Variants in MSI2 observed in about 807,000 individuals in gnomAD.
MSI2 encodes RNA-binding protein Musashi homolog 2.
A neutral mutation model predicts 45.6 loss-of-function variants in MSI2; 17 were observed. That is an observed-to-expected ratio of 0.37 (90% CI 0.26 to 0.56). The LOEUF (loss-of-function observed/expected upper bound fraction) is 0.56, where lower values mean the gene tolerates loss of function less well. MSI2 is among the 20% of genes least tolerant of loss of function. The pLI is 0.77. For missense variants in MSI2, 293 were observed against 444.2 expected, an observed-to-expected ratio of 0.66 and a Z score of 3.06; for synonymous variants, 156 against 158.2, an observed-to-expected ratio of 0.99 and a Z score of 0.11.
chr17:57,634,590 C>T (rs1909698723), intron 10 of MSI2, among the ~76,000 whole-genome samples: 1 of 151,990 alleles, frequency 6.6e-6, no homozygotes, highest in African/African-American at 2.4e-5. Flanking sequence ...ATAGAATTAG[C>T]CAGGTAAAGA....
At chr17:57,365,028 T>C (rs1354377371) in intron 5 of MSI2, 1 of 152,200 alleles carries the variant, frequency 6.6e-6, no homozygotes, top group Admixed American at 6.5e-5. Context: ...AAAACCTCTG[T>C]TTTTCAGAAC....
intron 5 of MSI2, among the ~76,000 whole-genome samples, chr17:57,396,277 A>G (rs2083887145): frequency 6.6e-6 from 1 of 151,976 alleles, no homozygotes; most frequent in Admixed American, 6.6e-5. Flanking sequence ...TTGTGTGATA[A>G]TGAATATCTT....
chr17:57,355,203 T>G (rs971628483), intron 5 of MSI2, among the ~76,000 whole-genome samples: 2 of 152,180 alleles, frequency 1.3e-5, no homozygotes, highest in African/African-American at 4.8e-5. Flanking sequence ...ATTCACTCCT[T>G]TTGCACGTAA....
At chr17:57,268,981 T>C (rs920264061) in intron 5 of MSI2, among the ~76,000 whole-genome samples, 2 of 152,102 alleles carry the variant, frequency 1.3e-5, no homozygotes, top group Non-Finnish European at 2.9e-5. Context: ...CATCATTAGC[T>C]CCAGGTTGGG....
chr17:57,589,807 CCA>C (rs1904655021), intron 7 of MSI2, among the ~76,000 whole-genome samples: 1 of 152,194 alleles, frequency 6.6e-6, no homozygotes, highest in Non-Finnish European at 1.5e-5. Context: ...GGTTTAGCGG[CCA>C]TGTCACGATG....
chr17:57,318,619 C>A (rs1177354389), intron 5 of MSI2, among the ~76,000 whole-genome samples: 1 of 151,712 alleles, frequency 6.6e-6, no homozygotes, highest in African/African-American at 2.4e-5. Flanking sequence ...CTGTGTGAAA[C>A]CCGGGTCTGA....
At chr17:57,609,674 C>A (rs1907033085) in intron 8 of MSI2, among the ~76,000 whole-genome samples, 1 of 152,236 alleles carries the variant, frequency 6.6e-6, no homozygotes, top group South Asian at 2.1e-4. Flanking sequence ...CCTCAGACTG[C>A]CAGCCACCAT....
At chr17:57,368,906 A>G (rs1049195840) in intron 5 of MSI2, among the ~76,000 whole-genome samples, 1 of 152,250 alleles carries the variant, frequency 6.6e-6, no homozygotes, top group African/African-American at 2.4e-5. Context: ...AAAGCATTCT[A>G]GAAGGAAGGA....
chr17:57,520,508 G>A (rs2086561262), intron 6 of MSI2, among the ~76,000 whole-genome samples: 1 of 152,152 alleles, frequency 6.6e-6, no homozygotes, highest in Admixed American at 6.5e-5. Flanking sequence ...AAATACTCTG[G>A]CCATTGTAAG....
At chr17:57,303,202 C>T (rs776408330) in intron 5 of MSI2, among the ~76,000 whole-genome samples, 1 of 152,182 alleles carries the variant, frequency 6.6e-6, no homozygotes, top group Non-Finnish European at 1.5e-5. Context: ...ACATGTTCAG[C>T]TGAGTGCTTT....
intron 12 of MSI2, among the ~76,000 whole-genome samples, chr17:57,675,433 C>T (rs1419474792): frequency 6.6e-6 from 1 of 152,254 alleles, no homozygotes. Flanking sequence ...ATTTCCCTGG[C>T]TGCAAAACCA....
At chr17:57,506,615 G>GCC (rs1374744348) in intron 6 of MSI2, among the ~76,000 whole-genome samples, 1 of 152,204 alleles carries the variant, frequency 6.6e-6, no homozygotes, top group Non-Finnish European at 1.5e-5. Flanking sequence ...TTCCGAGGGA[G>GCC]TAGGGAGAAG....
intron 9 of MSI2, chr17:57,618,190 G>A (rs1206318804): frequency 6.6e-6 from 1 of 151,216 alleles, no homozygotes; most frequent in Non-Finnish European, 1.5e-5. Context: ...GGAACTCTGG[G>A]CTGTGCAGAT....
intron 6 of MSI2, among the ~76,000 whole-genome samples, chr17:57,514,922 C>G (rs1273762480): frequency 1.3e-5 from 2 of 152,154 alleles, no homozygotes; most frequent in African/African-American, 2.4e-5. Flanking sequence ...CCACCCCAAA[C>G]CACATATGGG....
At position 57,679,626 on chromosome 17, in the gene MSI2, A is replaced by G. The variant is rs920543217; in HGVS notation, c.*109A>G. The G allele has an allele frequency of 6.6e-6, 7 of 1,063,282 alleles. No individual in the cohort carries two copies. The highest frequency in any genetic ancestry group is 8.0e-6 in the Non-Finnish European group (7 of 878,026). 65.9% of individuals were successfully genotyped at this position (1,063,282 alleles called of 1,614,324 possible). A position where few individuals can be genotyped will look rare whatever the true frequency, so the allele number is the denominator to read the frequency against. ...GTTTAGGTGATGTCCTCAGACCTGG[A>G]CCCCCACCAGCCTCACTCCCCATCC... On this transcript the variant is annotated 3_prime_UTR_variant, in exon 14 of 14. Transcript: ENST00000284073.
intron 5 of MSI2, among the ~76,000 whole-genome samples, chr17:57,382,697 A>T (rs1056692790): frequency 1.4e-4 from 21 of 152,232 alleles, no homozygotes; most frequent in Non-Finnish European, 2.4e-4. Flanking sequence ...CCCTCCACCC[A>T]CGAGGACAGT....
chr17:57,627,738 C>T lies in MSI2; in HGVS notation c.727+435C>T. On this transcript the variant is annotated intron_variant, in intron 10 of 13. Transcript: ENST00000284073. This position sits in a 1 kb window ranked among gnomAD's most constrained non-coding sequence, Gnocchi z 4.6. ...CCCGCCCTTGCTTCCTTTCCTCCAC[C>T]CCTCCTCCTCCTGCTCCGTCCTGAC... is the stretch of plus-strand genomic sequence containing the variant. 1 of 214,420 alleles carries T rather than the reference C, an allele frequency of 4.7e-6. No individual in the cohort carries two copies. Among genetic ancestry groups the T allele is most frequent in the Non-Finnish European group, 9.4e-6 (1 of 106,566 alleles). 13.3% of individuals were successfully genotyped at this position (214,420 alleles called of 1,614,324 possible).
intron 7 of MSI2, chr17:57,532,061 G>C (rs3744088): frequency 0.33 from 49,576 of 152,360 alleles, 9,163 homozygotes; most frequent in East Asian, 0.64. Flanking sequence ...GGCTCTCCAG[G>C]AGTCCTGGTG....
At chr17:57,408,161 C>G (rs1289538859) in intron 6 of MSI2, among the ~76,000 whole-genome samples, 1 of 152,194 alleles carries the variant, frequency 6.6e-6, no homozygotes, top group Non-Finnish European at 1.5e-5. Context: ...ATTGAGCACC[C>G]TAACGTTACT....
Sources: gnomAD v4.1 joint callset for allele counts (sites outside exome capture counted in the v4.1 genomes callset) on GRCh38, gnomAD v4.1.1 for gene constraint, Gnocchi (gnomAD v3.1) non-coding constraint, MANE v1.5 for transcripts, NCBI Gene and HGNC (gene_info 2026-07-23, HGNC 2026-07-21) for gene names.